Variants in GEMIN2 observed in about 807,000 individuals in gnomAD.
GEMIN2 encodes the protein gem nuclear organelle associated protein 2.
In GEMIN2, 37 loss-of-function variants were observed where a neutral mutation model predicts 45.8. That is an observed-to-expected ratio of 0.81 (90% CI 0.62 to 1.06). The LOEUF (loss-of-function observed/expected upper bound fraction) is 1.06, where lower values mean the gene tolerates loss of function less well. Ranked by LOEUF, GEMIN2 falls within the 50% of genes least tolerant of loss-of-function variation. The pLI, the probability that GEMIN2 is intolerant of heterozygous loss-of-function variation, is 0.00. For missense variants in GEMIN2, 335 were observed against 321.8 expected (o/e 1.04, Z -0.31); for synonymous variants, 101 against 111.5 (o/e 0.91, Z 0.60).
intron 4 of GEMIN2, among the ~76,000 whole-genome samples, 154 bp from the exon 5 acceptor site, chr14:39,122,276 A>T (rs1274628901): frequency 6.6e-6 from 1 of 152,120 alleles, no homozygotes; most frequent in Non-Finnish European, 1.5e-5. Context: ...AGGTTTTAAC[A>T]TACAAATTTG....
At position 39,128,354 on chromosome 14, in the gene GEMIN2, A is replaced by G. The variant is rs1199484550; in HGVS notation, c.600+6A>G. The G allele has an allele frequency of 1.3e-5, 19 of 1,514,248 alleles. No individual in the cohort carries two copies. The highest frequency in any genetic ancestry group is 1.7e-5 in the Non-Finnish European group (19 of 1,096,470). 93.8% of individuals were successfully genotyped at this position (1,514,248 alleles called of 1,614,324 possible). A position where few individuals can be genotyped will look rare whatever the true frequency, so the allele number is the denominator to read the frequency against. Reference sequence around the variant, plus strand: ...GAGACTTTACTCCAGAATTGGTAGTATTGCATGTTTTTCTTTTCATAATGT... The same window carrying G: ...GAGACTTTACTCCAGAATTGGTAGTGTTGCATGTTTTTCTTTTCATAATGT... On this transcript the variant is annotated splice_donor_region_variant and intron_variant, in intron 7 of 9. Transcript: ENST00000308317.
chr14:39,123,708 A>ATATATATATAT (rs1555333787), intron 5 of GEMIN2, among the ~76,000 whole-genome samples: 3 of 37,698 alleles, frequency 8.0e-5, no homozygotes, highest in African/African-American at 2.6e-4. Flanking sequence ...ATATATATAT[A>ATATATATATAT]TTTTTTTTTT....
intron 2 of GEMIN2, among the ~76,000 whole-genome samples, chr14:39,116,782 G>A (rs112374130): frequency 0.076 from 11,483 of 151,934 alleles, 1,453 homozygotes; most frequent in African/African-American, 0.26. Context: ...ACAGGGTCTC[G>A]CTTTGTTGCA....
At chr14:39,130,124 C>G (rs1400169914) in intron 7 of GEMIN2, among the ~76,000 whole-genome samples, 1 of 151,334 alleles carries the variant, frequency 6.6e-6, no homozygotes, top group African/African-American at 2.4e-5. Context: ...AATTTAAATG[C>G]TAGCTTTACA....
At chr14:39,131,793 C>G (rs974420881) in intron 7 of GEMIN2, 165 bp from the exon 8 acceptor site, 1 of 540,806 alleles carries the variant, frequency 1.8e-6, no homozygotes, top group African/African-American at 1.9e-5. Flanking sequence ...AGAGATAACA[C>G]CTGGCTCTCC....
intron 6 of GEMIN2, 64 bp from the exon 7 acceptor site, chr14:39,128,216 C>A: frequency 1.1e-6 from 1 of 879,776 alleles, no homozygotes; most frequent in Non-Finnish European, 1.8e-6. Flanking sequence ...CTTAATGAAA[C>A]TCATGTTGAA....
Position 39,127,906 on chromosome 14 carries a change from A to G in GEMIN2, c.532-374A>G, listed in dbSNP as rs982550379. Among the ~76,000 whole-genome samples, 4 of 152,082 alleles carry G rather than the reference A, an allele frequency of 2.6e-5. No individual in the cohort carries two copies. The East Asian group carries it at 7.8e-4, about 30-fold the overall frequency. ...AACATGCAGAAACCCTGTCTCTACT[A>G]AAAATACAAAAATTAGCCGGACGTG... On this transcript the variant is annotated intron_variant, in intron 6 of 9. Coordinates refer to ENST00000308317, the MANE Select transcript of GEMIN2 (RefSeq NM_003616.3).
intron 7 of GEMIN2, 165 bp from the exon 8 acceptor site, chr14:39,131,793 C>A: frequency 1.8e-6 from 1 of 540,924 alleles, no homozygotes; most frequent in African/African-American, 1.9e-5. Flanking sequence ...AGAGATAACA[C>A]CTGGCTCTCC....
chr14:39,128,315 T>C lies in GEMIN2; in HGVS notation c.567T>C (p.Asn189=), dbSNP rs748601420. The change falls in exon 7 of 10, where the codon AAT becomes AAC. Residue 189 remains asparagine (N), a synonymous_variant. Coordinates refer to ENST00000308317, the MANE Select transcript of GEMIN2 (RefSeq NM_003616.3). ...CTAGTGTCTTGGAATATCTGAGTAATTGGTTTGGAGAAAGAGACTTTACTC... is the reference window on the plus strand; with the variant it reads ...CTAGTGTCTTGGAATATCTGAGTAACTGGTTTGGAGAAAGAGACTTTACTC... ...TVTSVLEYLS[N]WFGERDFTPE... 42 of 1,584,732 alleles carry C rather than the reference T, an allele frequency of 2.7e-5. No homozygotes were observed. In the South Asian group the frequency reaches 3.4e-4, roughly 13 times the overall value.
In GEMIN2 at chr14:39,122,411, T is replaced by TG. The variant is rs771662442; in HGVS notation, c.373-19_373-18insG. Reference sequence around the variant, plus strand: ...AATTAATACACAGGAATAAATCAGTTTTTTTTTTTTTCTTTTAGCCAAAAT... The same window carrying TG: ...AATTAATACACAGGAATAAATCAGTTGTTTTTTTTTTTCTTTTAGCCAAAAT... On this transcript the variant is annotated intron_variant, in intron 4 of 9. Transcript: ENST00000308317. 10 of 1,257,968 alleles carry TG rather than the reference T, an allele frequency of 7.9e-6. No homozygotes were observed. Among genetic ancestry groups the TG allele is most frequent in the Non-Finnish European group, 1.1e-5 (10 of 882,852 alleles). 77.9% of individuals were successfully genotyped at this position (1,257,968 alleles called of 1,614,324 possible).
chr14:39,136,418 T>C, intron 9 of GEMIN2, 22 bp from the exon 10 acceptor site: 1 of 1,271,642 alleles, frequency 7.9e-7, no homozygotes, highest in South Asian at 1.2e-5. Flanking sequence ...TATACATAAA[T>C]TTTTTGTTTT....
intron 4 of GEMIN2, among the ~76,000 whole-genome samples, chr14:39,119,038 A>C (rs576473850): frequency 5.3e-5 from 8 of 152,180 alleles, no homozygotes; most frequent in South Asian, 4.2e-4. Flanking sequence ...AGCCTCCCCG[A>C]GTGCTGGATT....
intron 3 of GEMIN2, among the ~76,000 whole-genome samples, chr14:39,118,333 A>C: frequency 6.6e-6 from 1 of 152,116 alleles, no homozygotes; most frequent in Admixed American, 6.6e-5. Context: ...TTACATGGAT[A>C]AGTTCTTTAG....
intron 1 of GEMIN2, 87 bp downstream of exon 1, chr14:39,114,562 G>A: frequency 9.9e-7 from 1 of 1,009,460 alleles, no homozygotes; most frequent in Non-Finnish European, 1.5e-6. Flanking sequence ...GTTCCAGTCT[G>A]TTGCGAGTTC....
chr14:39,122,197 ATTTAAATTAATCACTTC>A (rs987405717), intron 4 of GEMIN2, among the ~76,000 whole-genome samples: 1 of 152,116 alleles, frequency 6.6e-6, no homozygotes, highest in Non-Finnish European at 1.5e-5. Context: ...AATGGCCTCA[ATTTAAATTAATCACTTC>A]TTTAAAGGCC....
At chr14:39,129,761 TAC>T (rs1233823724) in intron 7 of GEMIN2, among the ~76,000 whole-genome samples, 8 of 151,854 alleles carry the variant, frequency 5.3e-5, no homozygotes, top group Non-Finnish European at 7.4e-5. Context: ...TGTGTGTATA[TAC>T]ATATGTATAA....
rs567034887 is a variant in GEMIN2 at position 39,136,481 on chromosome 14, G to T, written c.*2G>T. The T allele has an allele frequency of 1.3e-6, 2 of 1,599,528 alleles. No individual in the cohort carries two copies. Among genetic ancestry groups the T allele is most frequent in the Admixed American group, 1.7e-5 (1 of 59,906 alleles). On this transcript the variant is annotated 3_prime_UTR_variant, in exon 10 of 10. Coordinates refer to ENST00000308317, the MANE Select transcript of GEMIN2 (RefSeq NM_003616.3). ...GATTTAGCTGATGAGCCATCTTGATGTAGCTGATCTCTCAGGGATAGAAGA... is the reference window on the plus strand; with the variant it reads ...GATTTAGCTGATGAGCCATCTTGATTTAGCTGATCTCTCAGGGATAGAAGA...
chr14:39,132,017 T>C lies in GEMIN2; in HGVS notation c.660T>C (p.His220=). Residue 220 remains histidine (H), a synonymous_variant, in exon 8 of 10, where the codon CAT becomes CAC. Coordinates refer to ENST00000308317, the MANE Select transcript of GEMIN2 (RefSeq NM_003616.3). ...AAAAGCCTTTGTTACCTGAGGCTCATTCACTGATTCGGCAGCTTGCAAGAA... is the reference window on the plus strand; with the variant it reads ...AAAAGCCTTTGTTACCTGAGGCTCACTCACTGATTCGGCAGCTTGCAAGAA... ...CLEKPLLPEA[H]SLIRQLARRC... is the part of the protein sequence containing the mutation. The C allele has an allele frequency of 6.2e-7, 1 of 1,605,204 alleles. No homozygotes were observed. The highest frequency in any genetic ancestry group is 8.5e-7 in the Non-Finnish European group (1 of 1,171,958).
intron 6 of GEMIN2, among the ~76,000 whole-genome samples, chr14:39,128,032 C>T (rs1015314762): frequency 2.1e-5 from 3 of 139,666 alleles, no homozygotes; most frequent in African/African-American, 5.4e-5. Flanking sequence ...CGCACCAGTG[C>T]GCTCCAGCCT....
Sources: allele counts gnomAD v4.1 joint callset (sites outside exome capture counted in the v4.1 genomes callset), GRCh38; gene constraint gnomAD v4.1.1; transcripts MANE v1.5; gene names NCBI Gene and HGNC (gene_info 2026-07-23, HGNC 2026-07-21).